Variants in SPTAN1 observed in about 807,000 individuals in gnomAD.
The protein encoded by SPTAN1 is spectrin alpha, non-erythrocytic 1, also known as spectrin alpha chain, non-erythrocytic 1.
In SPTAN1, 61 loss-of-function variants were observed where a neutral mutation model predicts 331.3. The ratio of observed to expected loss-of-function variants is 0.18; its 90% CI spans 0.15 to 0.23. The LOEUF (loss-of-function observed/expected upper bound fraction) is 0.23. Ranked by LOEUF, SPTAN1 falls within the 10% of genes least tolerant of loss-of-function variation. The pLI, the probability that SPTAN1 is intolerant of heterozygous loss-of-function variation, is 1.00. For synonymous variants in SPTAN1, 1,153 were observed against 1,173.9 expected (o/e 0.98, Z 0.36); for missense variants, 2,043 against 3,147.9 (o/e 0.65, Z 8.40).
At chr9:128,619,113 C>T (rs1589359904) in intron 44 of SPTAN1, 110 bp downstream of exon 44, 2 of 1,497,656 alleles carry the variant, frequency 1.3e-6, no homozygotes, top group Non-Finnish European at 1.8e-6. Context: ...GGAGAGCACA[C>T]AGGGCCAGCA....
chr9:128,563,024 A>ATATATATATATATATGTATG (rs1564188712), intron 1 of SPTAN1, among the ~76,000 whole-genome samples: 1 of 140,606 alleles, frequency 7.1e-6, no homozygotes, highest in African/African-American at 2.7e-5. Context: ...ATATATATAT[A>ATATATATATATATATGTATG]TATGTATATA....
rs1851104054 is a variant in SPTAN1, at chr9:128,574,680, T to C, written c.369T>C (p.Arg123=). The change falls in exon 4 of 57, where the codon CGT becomes CGC. Residue 123 remains arginine (R), a synonymous_variant. Transcript: ENST00000372739. ...CTCTGATTTGAAACTTTCAGACCCG[T>C]TTGATGGAGCTGCACCGCCAGTGGG... ...GHFASETIRT[R]LMELHRQWEL... The C allele has an allele frequency of 6.2e-7, 1 of 1,614,020 alleles. No homozygotes were observed. Among genetic ancestry groups the C allele is most frequent in the Admixed American group, 1.7e-5 (1 of 59,988 alleles).
At chr9:128,554,753 G>A (rs1284690855) in intron 1 of SPTAN1, among the ~76,000 whole-genome samples, 2 of 152,240 alleles carry the variant, frequency 1.3e-5, no homozygotes, top group African/African-American at 2.4e-5. Flanking sequence ...GGAGGAGGAG[G>A]AGGACTGCAT....
intron 21 of SPTAN1, among the ~76,000 whole-genome samples, chr9:128,589,245 C>T (rs907849307): frequency 6.7e-6 from 1 of 150,210 alleles, no homozygotes; most frequent in East Asian, 1.9e-4. Context: ...AGTTTGCTTT[C>T]TGTATAACTT....
At chr9:128,601,702 C>T (rs1457731092) in intron 27 of SPTAN1, among the ~76,000 whole-genome samples, 2 of 152,094 alleles carry the variant, frequency 1.3e-5, no homozygotes, top group Admixed American at 6.5e-5. Flanking sequence ...ATGAAGAAAG[C>T]ATGAAAAGCT....
intron 44 of SPTAN1, 134 bp downstream of exon 44, chr9:128,619,137 T>A: frequency 7.6e-7 from 1 of 1,311,530 alleles, no homozygotes; most frequent in Non-Finnish European, 1.1e-6. Flanking sequence ...AAGGCCTCAG[T>A]AGTTGGTTTT....
chr9:128,588,154 C>T (rs541540141), intron 20 of SPTAN1, among the ~76,000 whole-genome samples: 30 of 151,760 alleles, frequency 2.0e-4, no homozygotes, highest in East Asian at 1.4e-3. Context: ...CCCGCCACCA[C>T]GCCCAGCTAA....
intron 24 of SPTAN1, among the ~76,000 whole-genome samples, chr9:128,597,637 G>GTTTGT (rs1354841259): frequency 1.3e-5 from 2 of 151,680 alleles, no homozygotes; most frequent in Middle Eastern, 3.2e-3. Flanking sequence ...AGCTTTTTTT[G>GTTTGT]TTTGTTTTGT....
At chr9:128,588,698 G>A in intron 20 of SPTAN1, 111 bp from the exon 21 acceptor site, 1 of 1,438,262 alleles carries the variant, frequency 7.0e-7, no homozygotes, top group Non-Finnish European at 9.7e-7. Context: ...ATTCTCATGA[G>A]TGTATATTTG....
chr9:128,610,494 G>C (rs2131656118), intron 37 of SPTAN1, among the ~76,000 whole-genome samples: 1 of 152,200 alleles, frequency 6.6e-6, no homozygotes, highest in Non-Finnish European at 1.5e-5. Flanking sequence ...TCCATCCTTT[G>C]ACAGTTGCTG....
chr9:128,564,930 G>A lies in SPTAN1; in HGVS notation c.-3-1808G>A, dbSNP rs76501192. Among the ~76,000 whole-genome samples, 77 of 152,306 alleles carry A rather than the reference G, an allele frequency of 5.1e-4. 1 individual carries two copies. In the East Asian group the frequency reaches 0.014, roughly 28 times the overall value. ...TATCCGCCACAAGGGTAGGGGTCAC[G>A]GGTGAGAGATAATACCAGGCAGGCA... On this transcript the variant is annotated intron_variant, in intron 1 of 56. Coordinates refer to ENST00000372739, the MANE Select transcript of SPTAN1 (RefSeq NM_001130438.3).
intron 3 of SPTAN1, among the ~76,000 whole-genome samples, chr9:128,571,224 A>G (rs1440802717): frequency 6.6e-6 from 1 of 151,768 alleles, no homozygotes; most frequent in Non-Finnish European, 1.5e-5. Context: ...TGGGAGGTCA[A>G]GGCTGCAGTG....
At chr9:128,576,710 A>G (rs927789232) in intron 5 of SPTAN1, 113 bp from the exon 6 acceptor site, 8 of 1,377,174 alleles carry the variant, frequency 5.8e-6, no homozygotes, top group East Asian at 2.4e-5. Flanking sequence ...ATTTCTTGTG[A>G]TTCTCTTCAG....
intron 22 of SPTAN1, among the ~76,000 whole-genome samples, chr9:128,592,046 G>C (rs1258396414): frequency 1.3e-5 from 2 of 152,030 alleles, no homozygotes; most frequent in East Asian, 3.9e-4. Context: ...CTTTCCTCTA[G>C]CTGAGCCCCC....
intron 3 of SPTAN1, among the ~76,000 whole-genome samples, chr9:128,571,620 C>T (rs1284633220): frequency 6.6e-6 from 1 of 152,012 alleles, no homozygotes; most frequent in Non-Finnish European, 1.5e-5. Flanking sequence ...ATTTAAAAAA[C>T]CTATTAAATA....
At chr9:128,581,435 C>T (rs369002707) in intron 11 of SPTAN1, among the ~76,000 whole-genome samples, 3 of 148,278 alleles carry the variant, frequency 2.0e-5, no homozygotes, top group South Asian at 2.1e-4. Context: ...ATCGTACCAC[C>T]GCACTCTAGC....
rs1451085815 is a variant in SPTAN1, at chr9:128,624,311, C to T, written c.5833-17C>T. Reference sequence around the variant, plus strand: ...GCAGGTAAGGCTGACCAGTGTGTGCCTCTCTCCATGGCCTAGAACAATCAC... The same window carrying T: ...GCAGGTAAGGCTGACCAGTGTGTGCTTCTCTCCATGGCCTAGAACAATCAC... On this transcript the variant is annotated splice_polypyrimidine_tract_variant and intron_variant, in intron 45 of 56. Transcript: ENST00000372739. The T allele has an allele frequency of 1.8e-5, 29 of 1,613,620 alleles. No homozygotes were observed. The highest frequency in any genetic ancestry group is 2.5e-5 in the Non-Finnish European group (29 of 1,179,918).
intron 45 of SPTAN1, among the ~76,000 whole-genome samples, chr9:128,624,092 A>AG (rs994144264): frequency 9.9e-6 from 1 of 101,238 alleles, no homozygotes; most frequent in Non-Finnish European, 1.8e-5. Context: ...GTCTCAAAAA[A>AG]AAAAAAAAAA....
chr9:128,618,913 A>G lies in SPTAN1; in HGVS notation c.5643A>G (p.Val1881=). 1 of 1,614,152 alleles carries G rather than the reference A, an allele frequency of 6.2e-7. No homozygotes were observed. Among genetic ancestry groups the G allele is most frequent in the Non-Finnish European group, 8.5e-7 (1 of 1,180,018 alleles). ...AGTCCTTGGAATATCAGCAGTTTGT[A>G]GCCAATGTGGAAGAGGAAGAAGCCT... is the stretch of plus-strand genomic sequence containing the variant. ...LEESLEYQQF[V]ANVEEEEAWI... Residue 1881 remains valine, a synonymous_variant, in exon 44 of 57, where the codon GTA becomes GTG. Coordinates refer to ENST00000372739, the MANE Select transcript of SPTAN1 (RefSeq NM_001130438.3).
Sources: allele counts gnomAD v4.1 joint callset (sites outside exome capture counted in the v4.1 genomes callset), GRCh38; gene constraint gnomAD v4.1.1; transcripts MANE v1.5; gene names NCBI Gene and HGNC (gene_info 2026-07-23, HGNC 2026-07-21).